The following ZPBP variants were observed in gnomAD, a reference collection of about 807,000 sequenced individuals.
ZPBP encodes the protein zona pellucida binding protein.
In ZPBP, 26 loss-of-function variants were observed where a neutral mutation model predicts 44.8. The observed-to-expected ratio is 0.58, with a 90% CI of 0.43 to 0.81. The LOEUF is 0.81. Ranked by LOEUF, ZPBP falls within the 30% of genes least tolerant of loss-of-function variation. ZPBP has a pLI of 0.00. For synonymous variants in ZPBP, 174 were observed against 153.2 expected, an observed-to-expected ratio of 1.14 and a Z score of -1.00; for missense variants, 409 against 434.0, an observed-to-expected ratio of 0.94 and a Z score of 0.51.
At chr7:50,093,033 C>T in intron 1 of ZPBP, 35 bp downstream of exon 1, 1 of 1,583,654 alleles carries the variant, frequency 6.3e-7, no homozygotes. Context: ...CTGCGGTTGT[C>T]CCTGCGGAGC....
At chr7:50,054,104 T>C (rs1800818158) in intron 4 of ZPBP, among the ~76,000 whole-genome samples, 2 of 152,158 alleles carry the variant, frequency 1.3e-5, no homozygotes, top group Non-Finnish European at 2.9e-5. Flanking sequence ...TTGCCCAGGC[T>C]GGCGTCGAAC....
chr7:50,000,016 AGATAGAAGTAAATAGATGTAAGG>A (rs1339241697), intron 6 of ZPBP, among the ~76,000 whole-genome samples: 2 of 152,158 alleles, frequency 1.3e-5, no homozygotes, highest in Admixed American at 1.3e-4. Flanking sequence ...TAGGGAGGGT[AGATAGAAGTAAATAGATGTAAGG>A]CTTCTACACT....
chr7:49,872,105 G>A (rs1791184793), intron 2 of ZPBP, among the ~76,000 whole-genome samples: 1 of 152,062 alleles, frequency 6.6e-6, no homozygotes, highest in Non-Finnish European at 1.5e-5. Flanking sequence ...CTATGAAACA[G>A]AAACCTGTAG....
chr7:49,852,021 G>T (rs945848231), intron 2 of ZPBP, among the ~76,000 whole-genome samples: 3 of 152,150 alleles, frequency 2.0e-5, no homozygotes, highest in African/African-American at 4.8e-5. Context: ...TGTCAGCCTA[G>T]GGTCCGGATT....
At chr7:49,866,719 C>T (rs1379740175) in intron 2 of ZPBP, among the ~76,000 whole-genome samples, 1 of 152,220 alleles carries the variant, frequency 6.6e-6, no homozygotes, top group African/African-American at 2.4e-5. Flanking sequence ...AACATACAAG[C>T]ATCTGCTTCA....
intron 7 of ZPBP, among the ~76,000 whole-genome samples, chr7:49,945,769 G>C (rs1226508496): frequency 6.6e-6 from 1 of 151,816 alleles, no homozygotes; most frequent in African/African-American, 2.4e-5. Context: ...CAGATTGTTG[G>C]GTCTTGTGTT....
At chr7:50,067,966 G>A (rs1320232800) in intron 3 of ZPBP, among the ~76,000 whole-genome samples, 1 of 152,190 alleles carries the variant, frequency 6.6e-6, no homozygotes, top group African/African-American at 2.4e-5. Flanking sequence ...CTAACTTAGA[G>A]TTAGAACCTC....
At chr7:49,889,612 G>A (rs1351630601) in intron 2 of ZPBP, among the ~76,000 whole-genome samples, 2 of 152,128 alleles carry the variant, frequency 1.3e-5, no homozygotes, top group Non-Finnish European at 2.9e-5. Context: ...AGAATTCTGG[G>A]GACACACAAT....
At chr7:49,885,684 A>G (rs1033426031) in intron 2 of ZPBP, among the ~76,000 whole-genome samples, 1 of 152,272 alleles carries the variant, frequency 6.6e-6, no homozygotes, top group African/African-American at 2.4e-5. Context: ...AGGTGTTAAC[A>G]TAGTGATCAG....
intron 1 of ZPBP, 30 bp from the exon 2 acceptor site, chr7:50,089,739 T>G: frequency 6.6e-7 from 1 of 1,524,772 alleles, no homozygotes. Flanking sequence ...ACAATTTGTC[T>G]CATTAGATAT....
At chr7:50,006,531 C>T (rs997035412) in intron 6 of ZPBP, among the ~76,000 whole-genome samples, 1 of 151,866 alleles carries the variant, frequency 6.6e-6, no homozygotes, top group Non-Finnish European at 1.5e-5. Context: ...GAGAAGAAAG[C>T]ACAAGGGAAA....
At chr7:49,969,761 T>C (rs953836071) in intron 7 of ZPBP, among the ~76,000 whole-genome samples, 12 of 150,996 alleles carry the variant, frequency 7.9e-5, no homozygotes, top group Non-Finnish European at 1.3e-4. Flanking sequence ...ATTTCAGAGA[T>C]GCAAATTTGG....
downstream of ZPBP, among the ~76,000 whole-genome samples, chr7:49,934,187 C>T (rs1446976820): frequency 6.6e-6 from 1 of 152,094 alleles, no homozygotes; most frequent in Non-Finnish European, 1.5e-5. Context: ...TGGGCTTCAT[C>T]CTCAAGCTGG....
intron 2 of ZPBP, among the ~76,000 whole-genome samples, chr7:49,863,464 A>T (rs1052249047): frequency 6.6e-6 from 1 of 151,572 alleles, no homozygotes; most frequent in African/African-American, 2.4e-5. Flanking sequence ...ACAAGATCTC[A>T]CTCTGTCACA....
chr7:49,982,173 ATATATAAT>A (rs1648398567), intron 7 of ZPBP, among the ~76,000 whole-genome samples: 1 of 97,262 alleles, frequency 1.0e-5, no homozygotes, highest in South Asian at 2.8e-4. Flanking sequence ...TATATTATAT[ATATATAAT>A]TTATTATTAT....
chr7:50,021,135 A>C (rs566442472), intron 5 of ZPBP, among the ~76,000 whole-genome samples: 5 of 152,104 alleles, frequency 3.3e-5, no homozygotes, highest in Non-Finnish European at 5.9e-5. Context: ...AGAAACAAGA[A>C]TGTATGGCCC....
chr7:50,027,073 C>A (rs1162560498), intron 5 of ZPBP, among the ~76,000 whole-genome samples: 3 of 151,852 alleles, frequency 2.0e-5, no homozygotes, highest in Admixed American at 1.3e-4. Flanking sequence ...TGTGCTCAAC[C>A]CCCCCTCATA....
Position 49,937,571 on chromosome 7 carries a change from T to C in ZPBP, c.1013A>G (p.Gln338Arg), listed in dbSNP as rs1370757172. 1 of 1,613,994 alleles carries C rather than the reference T, an allele frequency of 6.2e-7. No homozygotes were observed. The highest frequency in any genetic ancestry group is 1.1e-5 in the South Asian group (1 of 91,076). Residue 338 changes from glutamine (Q) to arginine (R), a missense_variant, in exon 8 of 8, where the codon CAA becomes CGA. Gln to Arg is a conservative substitution (Grantham distance 43). Transcript: ENST00000046087. ...YNPRDGIHCL[Q>R]CNSSLVYGAK... ...TCCATACACCAGGCTGCTATTGCAT[T>C]GAAGGCAATGAATTCCATCACGGGG...
intron 5 of ZPBP, 63 bp downstream of exon 5, chr7:50,031,029 A>C: frequency 7.0e-7 from 1 of 1,428,436 alleles, no homozygotes; most frequent in Admixed American, 1.7e-5. Context: ...AGTAATTAAC[A>C]ACTTTTTTAA....
Sources: gnomAD v4.1 joint callset for allele counts (sites outside exome capture counted in the v4.1 genomes callset) on GRCh38, gnomAD v4.1.1 for gene constraint, MANE v1.5 for transcripts, NCBI Gene and HGNC (gene_info 2026-07-23, HGNC 2026-07-21) for gene names.